TMF1: variants seen among roughly 807,000 people sequenced by gnomAD.
TMF1 encodes TATA element modulatory factor.
In TMF1, 71 loss-of-function variants were observed where a neutral mutation model predicts 126.5. That is an observed-to-expected ratio of 0.56 (90% CI 0.46 to 0.68). The LOEUF (loss-of-function observed/expected upper bound fraction) is 0.68, where lower values mean the gene tolerates loss of function less well. TMF1 is among the 30% of genes least tolerant of loss of function. The probability of loss-of-function intolerance (pLI) is 0.00; values close to 1 mark genes in which losing one functional copy is unlikely to be tolerated. For synonymous variants in TMF1, 461 were observed against 430.5 expected (o/e 1.07, Z -0.88); for missense variants, 1,259 against 1,253.2 (o/e 1.00, Z -0.07).
chr3:69,039,073 T>C (rs2091849041), intron 6 of TMF1, 64 bp from the exon 7 acceptor site: 1 of 1,225,154 alleles, frequency 8.2e-7, no homozygotes, highest in African/African-American at 1.5e-5. Flanking sequence ...AATAACTGTA[T>C]TCCAGGAATC....
rs200959132 is a variant in TMF1, at chr3:69,039,028, G to A, written c.1828-19C>T. The A allele has an allele frequency of 8.0e-6, 12 of 1,491,048 alleles. No individual in the cohort carries two copies. The South Asian group carries it at 9.7e-5, about 12-fold the overall frequency. 92.4% of individuals were successfully genotyped at this position (1,491,048 alleles called of 1,614,324 possible). The stretch of plus-strand genomic sequence containing the variant: ...CAAGGACCTATATGTTATAAAAACA[G>A]ACAAAAGTATTTTTCAAGAAATAAT... On this transcript the variant is annotated intron_variant, in intron 6 of 16. Transcript: ENST00000398559.
intron 3 of TMF1, 139 bp downstream of exon 3, chr3:69,044,353 G>T (rs1402730457): frequency 3.8e-6 from 2 of 522,796 alleles, no homozygotes; most frequent in Non-Finnish European, 6.6e-6. Context: ...AATCTTTAGG[G>T]TTATAATTGA....
chr3:69,044,539 A>G lies in TMF1; in HGVS notation c.1404T>C (p.Leu468=). 2 of 1,608,486 alleles carry G rather than the reference A, an allele frequency of 1.2e-6. No homozygotes were observed. Among genetic ancestry groups the G allele is most frequent in the Non-Finnish European group, 1.7e-6 (2 of 1,178,356 alleles). ...LEKREAQLLS[L]SKEKALLEEA... ...CTTCTAGAAGTGCTTTTTCCTTACTAAGAGATAATAACTGAGCCTCCCTTT... is the reference window on the plus strand; with the variant it reads ...CTTCTAGAAGTGCTTTTTCCTTACTGAGAGATAATAACTGAGCCTCCCTTT... The change falls in exon 3 of 17, where the codon CTT becomes CTC. Residue 468 remains leucine, a synonymous_variant. Transcript: ENST00000398559.
At chr3:69,038,439 TCC>T in intron 8 of TMF1, 123 bp downstream of exon 8, 1 of 1,064,274 alleles carries the variant, frequency 9.4e-7, no homozygotes. Context: ...TTTAGCAGAA[TCC>T]AGTACTCTGA....
In TMF1 at chr3:69,023,296, T is replaced by A. The variant is rs757177638; in HGVS notation, c.3163A>T (p.Ile1055Phe). The A allele has an allele frequency of 1.6e-5, 26 of 1,611,864 alleles. No homozygotes were observed. The highest frequency in any genetic ancestry group is 2.2e-5 in the Non-Finnish European group (26 of 1,178,868). ...GCTTTTTCTCCATACATCTGCAGAA[T>A]AGTGTTGTACCTTTGATCCAAATCC... ...LRDLDQRYNT[I>F]LQMYGEKAEE... The change falls in exon 17 of 17, where the codon ATT becomes TTT. Residue 1055 changes from isoleucine (I) to phenylalanine (F), a missense_variant. Physicochemically the swap from Ile to Phe is conservative, Grantham distance 21. Coordinates refer to ENST00000398559, the MANE Select transcript of TMF1 (RefSeq NM_007114.3).
At chr3:69,043,027 G>C in intron 4 of TMF1, 115 bp from the exon 5 acceptor site, 1 of 723,966 alleles carries the variant, frequency 1.4e-6, no homozygotes, top group Non-Finnish European at 2.2e-6. Context: ...ATAAGAATCT[G>C]TAAGTTTTGT....
rs1381033995 is a variant in TMF1 at position 69,021,442 on chromosome 3, C to A, written c.*1735G>T. On this transcript the variant is annotated 3_prime_UTR_variant, in exon 17 of 17. Transcript: ENST00000398559. ...ATCAAGCTGACAAAAAGCTATTAGACTACTTTTTACTACTAAAATGAAGAA... is the reference window on the plus strand; with the variant it reads ...ATCAAGCTGACAAAAAGCTATTAGAATACTTTTTACTACTAAAATGAAGAA... 1 of 152,494 alleles carries A rather than the reference C, an allele frequency of 6.6e-6. No individual in the cohort carries two copies. Among genetic ancestry groups the A allele is most frequent in the African/African-American group, 2.4e-5 (1 of 41,396 alleles). The allele number at this position is 152,494 out of a possible 1,614,324, so 9.4% of individuals were successfully genotyped here.
intron 10 of TMF1, among the ~76,000 whole-genome samples, chr3:69,031,079 G>T (rs934310814): frequency 6.6e-6 from 1 of 152,110 alleles, no homozygotes; most frequent in Non-Finnish European, 1.5e-5. Flanking sequence ...CTAAACTACC[G>T]ATACAAAAAC....
chr3:69,027,136 C>G (rs1402236226), intron 13 of TMF1, among the ~76,000 whole-genome samples: 1 of 152,154 alleles, frequency 6.6e-6, no homozygotes, highest in Non-Finnish European at 1.5e-5. Flanking sequence ...GCTGGGATTA[C>G]AGGCACATGC....
chr3:69,038,756 G>C, intron 7 of TMF1, 36 bp from the exon 8 acceptor site: 1 of 1,596,856 alleles, frequency 6.3e-7, no homozygotes, highest in Non-Finnish European at 8.5e-7. Flanking sequence ...AATGTTGCCA[G>C]TGATCAGATA....
chr3:69,027,957 C>G lies in TMF1; in HGVS notation c.2700G>C (p.Met900Ile), dbSNP rs1457897052. The G allele has an allele frequency of 6.3e-7, 1 of 1,582,212 alleles. No individual in the cohort carries two copies. The highest frequency in any genetic ancestry group is 2.2e-5 in the East Asian group (1 of 44,616). Reference protein sequence around the residue: ...LLNSQLEMERMKVEQERKKAI... With the variant: ...LLNSQLEMERIKVEQERKKAI... ...CTTTCTTCCTTTCTTGTTCAACTTT[C>G]ATTCTTTCCATTTCTAACTGACTAT... is the stretch of plus-strand genomic sequence containing the variant. The change falls in exon 13 of 17, where the codon ATG (methionine) becomes ATC (isoleucine). Residue 900 changes from methionine (M) to isoleucine (I), a missense_variant. Met to Ile is a conservative substitution (Grantham distance 10). Transcript: ENST00000398559.
chr3:69,026,530 T>C (rs1207585331), intron 13 of TMF1, among the ~76,000 whole-genome samples: 1 of 152,110 alleles, frequency 6.6e-6, no homozygotes, highest in African/African-American at 2.4e-5. Flanking sequence ...GAGGTGAGGT[T>C]GCGGTGAGCC....
intron 8 of TMF1, chr3:69,035,361 G>A (rs1321185967): frequency 2.1e-6 from 1 of 472,910 alleles, no homozygotes; most frequent in Admixed American, 3.9e-5. Flanking sequence ...TATGTATAAG[G>A]CATAGCCATT....
rs1001618127 is a variant in TMF1 at position 69,021,301 on chromosome 3, G to T, written c.*1876C>A. On this transcript the variant is annotated 3_prime_UTR_variant, in exon 17 of 17. Transcript: ENST00000398559. ...CCATGGTTTCAGACGTTCACTGGGG[G>T]TCTTGGAACGTATGTCCCATGGGTA... The T allele has an allele frequency of 6.6e-6, 1 of 152,518 alleles. No homozygotes were observed. Among genetic ancestry groups the T allele is most frequent in the Non-Finnish European group, 1.5e-5 (1 of 68,044 alleles). 9.4% of individuals were successfully genotyped at this position (152,518 alleles called of 1,614,324 possible).
At chr3:69,038,299 GCTCTT>G (rs914331042) in intron 8 of TMF1, among the ~76,000 whole-genome samples, 13 of 152,172 alleles carry the variant, frequency 8.5e-5, no homozygotes, top group African/African-American at 2.4e-4. Flanking sequence ...GTGCATTTTT[GCTCTT>G]CTCTTCTAAG....
At chr3:69,039,845 A>C in intron 5 of TMF1, 152 bp from the exon 6 acceptor site, 1 of 810,530 alleles carries the variant, frequency 1.2e-6, no homozygotes, top group Non-Finnish European at 1.9e-6. Context: ...GACAGCAATC[A>C]TCAATGAATG....
intron 8 of TMF1, among the ~76,000 whole-genome samples, chr3:69,036,719 A>G (rs1034787480): frequency 6.6e-6 from 1 of 152,222 alleles, no homozygotes; most frequent in Non-Finnish European, 1.5e-5. Context: ...ATTAAATCAA[A>G]AGGGCATAGG....
In TMF1 at chr3:69,044,562, T is replaced by C. The variant is rs1432096689; in HGVS notation, c.1381A>G (p.Arg461Gly). 5 of 1,605,786 alleles carry C rather than the reference T, an allele frequency of 3.1e-6. No homozygotes were observed. Among genetic ancestry groups the C allele is most frequent in the Admixed American group, 1.7e-5 (1 of 58,414 alleles). Reference sequence around the variant, plus strand: ...CTAAGAGATAATAACTGAGCCTCCCTTTTTTCCAGCTTTTCATTCAGAAAT... The same window carrying C: ...CTAAGAGATAATAACTGAGCCTCCCCTTTTTCCAGCTTTTCATTCAGAAAT... ...VEFLNEKLEKREAQLLSLSKE... is the reference protein window; with the variant it reads ...VEFLNEKLEKGEAQLLSLSKE... The change falls in exon 3 of 17, where the codon AGG becomes GGG. Residue 461 changes from arginine (R) to glycine (G), a missense_variant. Transcript: ENST00000398559.
chr3:69,048,392 C>G lies in TMF1; in HGVS notation c.313G>C (p.Asp105His), dbSNP rs756205978. 1 of 1,614,110 alleles carries G rather than the reference C, an allele frequency of 6.2e-7. No homozygotes were observed. The highest frequency in any genetic ancestry group is 1.1e-5 in the South Asian group (1 of 91,080). ...GGACTCTTCTGAATGGTCTGGACAT[C>G]AGTTGGCGAGAGAAAGGCACTGAAG... The part of the protein sequence containing the change: ...NFFSAFLSPT[D>H]VQTIQKSPVV... The change falls in exon 2 of 17, where the codon GAT becomes CAT. Residue 105 changes from aspartate (D) to histidine (H), a missense_variant. Coordinates refer to ENST00000398559, the MANE Select transcript of TMF1 (RefSeq NM_007114.3).
Sources: gnomAD v4.1 joint callset for allele counts (sites outside exome capture counted in the v4.1 genomes callset) on GRCh38, gnomAD v4.1.1 for gene constraint, MANE v1.5 for transcripts, NCBI Gene and HGNC (gene_info 2026-07-23, HGNC 2026-07-21) for gene names.